RAPGEF2: variants seen among roughly 807,000 people sequenced by gnomAD.
The protein encoded by RAPGEF2 is PDZ domain containing guanine nucleotide exchange factor (GEF) 1.
In RAPGEF2, 54 loss-of-function variants were observed where a neutral mutation model predicts 186.7. The ratio of observed to expected loss-of-function variants is 0.29; its 90% confidence interval spans 0.23 to 0.36. The LOEUF (loss-of-function observed/expected upper bound fraction) is 0.36. RAPGEF2 is among the 10% of genes least tolerant of loss of function. The pLI, the probability that RAPGEF2 is intolerant of heterozygous loss-of-function variation, is 1.00. For synonymous variants in RAPGEF2, 712 were observed against 705.9 expected, an observed-to-expected ratio of 1.01 and a Z score of -0.14; for missense variants, 1,532 against 2,045.0, an observed-to-expected ratio of 0.75 and a Z score of 4.84.
At chr4:159,142,439 T>A (rs1426246329) in intron 1 of RAPGEF2, among the ~76,000 whole-genome samples, 2 of 151,782 alleles carry the variant, frequency 1.3e-5, no homozygotes, top group African/African-American at 4.8e-5. Context: ...TTCATTTCTA[T>A]GTCTACATTT....
At chr4:159,293,490 G>C (rs1761508124) in intron 7 of RAPGEF2, among the ~76,000 whole-genome samples, 1 of 152,192 alleles carries the variant, frequency 6.6e-6, no homozygotes, top group Non-Finnish European at 1.5e-5. Flanking sequence ...TAAATGAACT[G>C]TCGTGTTTAT....
chr4:159,230,067 T>C (rs1752466797), intron 4 of RAPGEF2, among the ~76,000 whole-genome samples: 2 of 152,202 alleles, frequency 1.3e-5, no homozygotes. Context: ...AGCGTATTTA[T>C]ACAGAACAAT....
intron 25 of RAPGEF2, among the ~76,000 whole-genome samples, chr4:159,348,107 G>A (rs1452959865): frequency 2.0e-5 from 3 of 151,976 alleles, no homozygotes; most frequent in Admixed American, 2.0e-4. Flanking sequence ...TGCAGTCCTA[G>A]CTACCTGGGA....
At chr4:159,205,440 A>C (rs887309713) in intron 3 of RAPGEF2, among the ~76,000 whole-genome samples, 28 of 152,152 alleles carry the variant, frequency 1.8e-4, no homozygotes, top group African/African-American at 5.8e-4. Context: ...TATATGTTGA[A>C]AACATCCTAA....
chr4:159,131,744 C>T (rs1017758486), intron 1 of RAPGEF2, among the ~76,000 whole-genome samples: 4 of 151,574 alleles, frequency 2.6e-5, no homozygotes, highest in African/African-American at 9.7e-5. Flanking sequence ...AGCAGTCCTA[C>T]AGCCCGGCAT....
At position 159,350,140 on chromosome 4, in the gene RAPGEF2, TA is replaced by T; in HGVS notation, c.3719del (p.Asn1240ThrfsTer6). ...GGTTTTTTTTTTTCCATTATAGGCATAAACTCTCCACAAGCTTTAAAAAAAA... is the reference window on the plus strand; with the variant it reads ...GGTTTTTTTTTTTCCATTATAGGCATAACTCTCCACAAGCTTTAAAAAAAA... Reference protein sequence around the residue: ...VPVKDLPPFGINSPQALKKIL... With the variant: ...VPVKDLPPFGXNSPQALKKIL... On this transcript the variant is annotated frameshift_variant, in exon 26 of 30. Transcript: ENST00000691494. LOFTEE classifies it high-confidence loss of function. The T allele has an allele frequency of 6.5e-7, 1 of 1,547,334 alleles. No individual in the cohort carries two copies. Among genetic ancestry groups the T allele is most frequent in the Non-Finnish European group, 8.7e-7 (1 of 1,144,786 alleles).
Position 159,323,454 on chromosome 4 carries a change from A to T in RAPGEF2, c.991-5A>T. On this transcript the variant is annotated splice_region_variant and splice_polypyrimidine_tract_variant and intron_variant, in intron 10 of 29. Transcript: ENST00000691494. The stretch of plus-strand genomic sequence containing the variant: ...TTCTGCTTTGTCTTTATTTTTTTGG[A>T]TTAGCTGGACTCCTGGTCAGTGATT... 1 of 1,590,730 alleles carries T rather than the reference A, an allele frequency of 6.3e-7. No individual in the cohort carries two copies. The highest frequency in any genetic ancestry group is 8.6e-7 in the Non-Finnish European group (1 of 1,169,534).
intron 7 of RAPGEF2, among the ~76,000 whole-genome samples, chr4:159,264,682 G>A (rs910350453): frequency 1.4e-4 from 21 of 152,028 alleles, no homozygotes; most frequent in African/African-American, 4.8e-4. Context: ...AACCATTACC[G>A]CCATCCATCT....
intron 1 of RAPGEF2, among the ~76,000 whole-genome samples, chr4:159,143,764 G>GA (rs1320549887): frequency 6.6e-6 from 1 of 152,142 alleles, no homozygotes; most frequent in Non-Finnish European, 1.5e-5. Flanking sequence ...TGCTTTTGAG[G>GA]AAAAATGTTT....
intron 7 of RAPGEF2, among the ~76,000 whole-genome samples, chr4:159,251,430 G>A (rs189114218): frequency 3.7e-3 from 569 of 152,364 alleles, no homozygotes; most frequent in Non-Finnish European, 5.8e-3. Context: ...TCTAGCTGGA[G>A]GATTGTATAT....
chr4:159,145,579 T>C (rs905795602), intron 1 of RAPGEF2, among the ~76,000 whole-genome samples: 2 of 152,192 alleles, frequency 1.3e-5, no homozygotes, highest in Non-Finnish European at 1.5e-5. Flanking sequence ...ATTGAGATAA[T>C]TTACGTTCCT....
intron 4 of RAPGEF2, among the ~76,000 whole-genome samples, chr4:159,233,953 T>C (rs1752941425): frequency 6.6e-6 from 1 of 152,106 alleles, no homozygotes. Context: ...GCGTGAGTCC[T>C]CATTGTTCTT....
At chr4:159,357,679 GTTAAA>G (rs917731041) in intron 29 of RAPGEF2, among the ~76,000 whole-genome samples, 6 of 152,160 alleles carry the variant, frequency 3.9e-5, no homozygotes, top group East Asian at 3.9e-4. Flanking sequence ...TCTCAAAAAA[GTTAAA>G]TTAAATTAAA....
intron 1 of RAPGEF2, among the ~76,000 whole-genome samples, chr4:159,145,722 GT>G (rs1561010221): frequency 6.6e-6 from 1 of 152,174 alleles, no homozygotes; most frequent in Non-Finnish European, 1.5e-5. Context: ...TGTTTAAGAG[GT>G]ATTAGTAAGG....
At chr4:159,342,129 C>T (rs1729555365) in intron 20 of RAPGEF2, among the ~76,000 whole-genome samples, 182 bp downstream of exon 20, 1 of 152,102 alleles carries the variant, frequency 6.6e-6, no homozygotes, top group African/African-American at 2.4e-5. Context: ...ATCAAAAAAA[C>T]AGCTGTGCCA....
At chr4:159,291,555 C>G (rs1761218895) in intron 7 of RAPGEF2, among the ~76,000 whole-genome samples, 1 of 152,176 alleles carries the variant, frequency 6.6e-6, no homozygotes, top group Admixed American at 6.5e-5. Context: ...CTCAACCTTC[C>G]AAAGTGCTGG....
At chr4:159,138,279 T>G (rs1048279637) in intron 1 of RAPGEF2, among the ~76,000 whole-genome samples, 3 of 152,204 alleles carry the variant, frequency 2.0e-5, no homozygotes, top group Non-Finnish European at 4.4e-5. Flanking sequence ...CTAAAACATC[T>G]AAAAGCACTG....
intron 7 of RAPGEF2, among the ~76,000 whole-genome samples, chr4:159,284,491 C>G (rs1343845648): frequency 5.7e-5 from 1 of 17,562 alleles, no homozygotes; most frequent in African/African-American, 3.3e-4. Context: ...GACACACACA[C>G]ACACACACAC....
chr4:159,247,888 G>A (rs547823808), intron 7 of RAPGEF2, among the ~76,000 whole-genome samples: 4 of 145,752 alleles, frequency 2.7e-5, no homozygotes, highest in Admixed American at 1.4e-4. Flanking sequence ...TCAGCCTCCC[G>A]AGTAGCTGGG....
Sources: allele counts gnomAD v4.1 joint callset (sites outside exome capture counted in the v4.1 genomes callset), GRCh38; gene constraint gnomAD v4.1.1; transcripts MANE v1.5; gene names NCBI Gene and HGNC (gene_info 2026-07-23, HGNC 2026-07-21).